The following AEN variants were observed in gnomAD, a reference collection of about 807,000 sequenced individuals.
AEN encodes the protein apoptosis enhancing nuclease, also known as apoptosis-enhancing nuclease.
A neutral mutation model predicts 17.7 loss-of-function variants in AEN; 21 were observed. That is an observed-to-expected ratio of 1.19 (90% CI 0.84 to 1.71). The LOEUF (loss-of-function observed/expected upper bound fraction) is 1.71, where lower values mean the gene tolerates loss of function less well. Ranked by LOEUF, AEN falls within the 40% of genes most tolerant of loss-of-function variation. The probability of loss-of-function intolerance (pLI) is 0.00; values close to 1 mark genes in which losing one functional copy is unlikely to be tolerated. For missense variants in AEN, 462 were observed against 435.9 expected (o/e 1.06, Z -0.53); for synonymous variants, 190 against 173.0 (o/e 1.10, Z -0.77).
In AEN at chr15:88,629,240, G is replaced by GA. The variant is rs1347375852; in HGVS notation, c.557dup (p.Lys188GlnfsTer104). On this transcript the variant is annotated frameshift_variant, in exon 3 of 4. Transcript: ENST00000332810. LOFTEE classifies it high-confidence loss of function. ...TCTGCTCACAGATCCTTAAGCTCCT[G>GA]AAGGGCAAGGTGGTGGTGGGGCACG... 1 of 1,614,074 alleles carries GA rather than the reference G, an allele frequency of 6.2e-7. No homozygotes were observed. The highest frequency in any genetic ancestry group is 1.7e-5 in the Admixed American group (1 of 60,012).
chr15:88,607,733 C>T, the AEN span, among the ~76,000 whole-genome samples: 4 of 151,996 alleles, frequency 2.6e-5, no homozygotes, highest in Non-Finnish European at 4.4e-5. Context: ...TCTCCATTTC[C>T]TTCATTTATT....
chr15:88,617,172 C>G (rs1313810392), upstream of AEN, among the ~76,000 whole-genome samples: 1 of 152,156 alleles, frequency 6.6e-6, no homozygotes, highest in African/African-American at 2.4e-5. Flanking sequence ...ACTGTGGTCT[C>G]AAACTCCTGC....
At chr15:88,615,776 G>A in the AEN span, among the ~76,000 whole-genome samples, 1 of 152,096 alleles carries the variant, frequency 6.6e-6, no homozygotes, top group Admixed American at 6.5e-5. Context: ...GAGAACAATT[G>A]CTCTAAAAAT....
In AEN at chr15:88,629,436, G is replaced by A. The variant is rs1195619117; in HGVS notation, c.741+10G>A. 1.1e-5 allele frequency: 18 copies of A among 1,611,358 alleles called. No homozygotes were observed. Among genetic ancestry groups the A allele is most frequent in the South Asian group, 2.2e-5 (2 of 91,044 alleles). On this transcript the variant is annotated intron_variant, in intron 3 of 3. Transcript: ENST00000332810. The stretch of plus-strand genomic sequence containing the variant: ...GCACAAGAAGATCCAGGTGCGTGGT[G>A]GGAGAGTGGCTGGAAGGGAGGGAGG...
At chr15:88,618,133 C>G (rs1390613608), upstream of AEN, among the ~76,000 whole-genome samples, 1 of 152,124 alleles carries the variant, frequency 6.6e-6, no homozygotes, top group East Asian at 1.9e-4. Context: ...GAGTGTTCTC[C>G]CTGTTTACAG....
intron 1 of AEN, among the ~76,000 whole-genome samples, chr15:88,625,782 A>G (rs80163747): frequency 0.077 from 11,705 of 152,244 alleles, 528 homozygotes; most frequent in African/African-American, 0.11. Context: ...GGACTCAGCC[A>G]TGGTTTGAGG....
chr15:88,605,868 C>T, the AEN span, among the ~76,000 whole-genome samples: 1 of 152,354 alleles, frequency 6.6e-6, no homozygotes, highest in East Asian at 1.9e-4. The surrounding 1 kb of genome is among the most constrained non-coding windows in gnomAD (Gnocchi z 7.6). Flanking sequence ...TCGGTGCCTG[C>T]GCACGGCTCG....
At chr15:88,609,793 C>G in the AEN span, among the ~76,000 whole-genome samples, 3 of 152,208 alleles carry the variant, frequency 2.0e-5, no homozygotes, top group Non-Finnish European at 4.4e-5. Context: ...TTCATTGGAT[C>G]TGTAAGGAAA....
chr15:88,608,082 T>A, the AEN span: 1 of 519,014 alleles, frequency 1.9e-6, no homozygotes. Flanking sequence ...GGGTCTACTT[T>A]CAAGAAGATA....
chr15:88,610,471 G>A, the AEN span, among the ~76,000 whole-genome samples: 1 of 152,090 alleles, frequency 6.6e-6, no homozygotes, highest in Non-Finnish European at 1.5e-5. Flanking sequence ...AGAGCCTCTG[G>A]GGGAGGAACA....
At chr15:88,614,868 T>TTTGTTG in the AEN span, among the ~76,000 whole-genome samples, 138 of 151,532 alleles carry the variant, frequency 9.1e-4, no homozygotes, top group Middle Eastern at 6.8e-3. Context: ...GTGGTGCTTT[T>TTTGTTG]TTGTTGTTGT....
the AEN span, among the ~76,000 whole-genome samples, chr15:88,606,249 T>C: frequency 6.6e-6 from 1 of 151,982 alleles, no homozygotes; most frequent in East Asian, 1.9e-4. Context: ...CTTCCTTCCT[T>C]CCTCCCCGCG....
the AEN span, among the ~76,000 whole-genome samples, chr15:88,607,784 G>A: frequency 6.6e-6 from 1 of 152,028 alleles, no homozygotes; most frequent in Non-Finnish European, 1.5e-5. Context: ...TTCAGCATAA[G>A]TTTAAAAGGT....
Position 88,630,366 on chromosome 15 carries a change from C to T in AEN, c.*72C>T. 1 of 1,426,708 alleles carries T rather than the reference C, an allele frequency of 7.0e-7. No homozygotes were observed. Among genetic ancestry groups the T allele is most frequent in the Non-Finnish European group, 9.6e-7 (1 of 1,041,798 alleles). The allele number at this position is 1,426,708 out of a possible 1,614,324, so 88.4% of individuals were successfully genotyped here. The stretch of plus-strand genomic sequence containing the variant: ...AAGTGGGGGCCAGGAGAGCAGCGGG[C>T]ACTCCTTCCTGGGCAGGGTGGGGCA... On this transcript the variant is annotated 3_prime_UTR_variant, in exon 4 of 4. Transcript: ENST00000332810. This position sits in a 1 kb window ranked among gnomAD's most constrained non-coding sequence, Gnocchi z 5.1.
At chr15:88,623,202 G>A (rs1342416018) in intron 1 of AEN, among the ~76,000 whole-genome samples, 1 of 152,212 alleles carries the variant, frequency 6.6e-6, no homozygotes, top group African/African-American at 2.4e-5. Context: ...CTGTCAATAT[G>A]AGGAAGTTGG....
upstream of AEN, among the ~76,000 whole-genome samples, chr15:88,619,063 G>A (rs2057760502): frequency 6.6e-6 from 1 of 152,182 alleles, no homozygotes; most frequent in Non-Finnish European, 1.5e-5. Flanking sequence ...TCAAGAAAAT[G>A]TTTTTAATGA....
intron 1 of AEN, among the ~76,000 whole-genome samples, chr15:88,625,462 G>A (rs992021266): frequency 3.9e-5 from 6 of 152,214 alleles, no homozygotes; most frequent in East Asian, 3.9e-4. Flanking sequence ...CTGTGATCAC[G>A]CCACTGCACT....
rs930617920 is a variant in AEN at position 88,626,698 on chromosome 15, C to T, written c.489C>T (p.Ile163=). The T allele has an allele frequency of 1.2e-6, 2 of 1,613,164 alleles. No individual in the cohort carries two copies. Among genetic ancestry groups the T allele is most frequent in the African/African-American group, 2.7e-5 (2 of 74,950 alleles). The part of the protein sequence containing the change: ...IADYRTRWSG[I]TRQHMRKAVP... ...ACTACCGTACCCGCTGGAGTGGCAT[C>T]ACTCGGCAGCACATGCGCAAGGCTG... The change falls in exon 2 of 4, where the codon ATC becomes ATT. Residue 163 remains isoleucine (I), a synonymous_variant. Transcript: ENST00000332810.
chr15:88,609,240 C>A, the AEN span, among the ~76,000 whole-genome samples: 19 of 152,176 alleles, frequency 1.2e-4, no homozygotes, highest in Non-Finnish European at 2.6e-4. Flanking sequence ...ATATTAGGAG[C>A]TATGTCTTGT....
Sources: allele counts gnomAD v4.1 joint callset (sites outside exome capture counted in the v4.1 genomes callset), GRCh38; gene constraint gnomAD v4.1.1; non-coding constraint Gnocchi (gnomAD v3.1); transcripts MANE v1.5; gene names NCBI Gene and HGNC (gene_info 2026-07-23, HGNC 2026-07-21).